IGDCC3: variants seen among roughly 807,000 people sequenced by gnomAD.
IGDCC3 encodes the protein putative neuronal cell adhesion molecule.
A neutral mutation model predicts 72.0 loss-of-function variants in IGDCC3; 47 were observed. The ratio of observed to expected loss-of-function variants is 0.65; its 90% CI spans 0.52 to 0.83. The LOEUF (loss-of-function observed/expected upper bound fraction) is 0.83. Ranked by LOEUF, IGDCC3 falls within the 40% of genes least tolerant of loss-of-function variation. The probability of loss-of-function intolerance (pLI) is 0.00; values close to 1 mark genes in which losing one functional copy is unlikely to be tolerated. For missense variants in IGDCC3, 1,038 were observed against 1,091.3 expected (o/e 0.95, Z 0.69); for synonymous variants, 477 against 472.8 (o/e 1.01, Z -0.11).
chr15:65,367,081 C>T lies in IGDCC3; in HGVS notation c.409+8016G>A, dbSNP rs1038889381. Among the ~76,000 whole-genome samples the T allele has an allele frequency of 4.3e-4, 65 of 152,074 alleles. 1 individual carries two copies. The highest frequency in any genetic ancestry group is 2.9e-3 in the Admixed American group (45 of 15,264). On this transcript the variant is annotated intron_variant, in intron 2 of 13. Coordinates refer to ENST00000327987, the MANE Select transcript of IGDCC3 (RefSeq NM_004884.4). ...GGCCCAGGCCGGGTGCGGTGGCTCA[C>T]GCCTGTAATCCCAGCACTTTGGGAG...
chr15:65,342,216 G>A (rs1009894079), intron 2 of IGDCC3, among the ~76,000 whole-genome samples: 3 of 151,696 alleles, frequency 2.0e-5, no homozygotes, highest in East Asian at 2.0e-4. Context: ...GAGAAACCTC[G>A]TCTCTATTGA....
chr15:65,347,480 C>A (rs1375425577), intron 2 of IGDCC3, among the ~76,000 whole-genome samples: 1 of 152,190 alleles, frequency 6.6e-6, no homozygotes, highest in Non-Finnish European at 1.5e-5. Context: ...CTCCATCTGT[C>A]AGTGGCCTGT....
At chr15:65,355,796 C>A (rs1421073116) in intron 2 of IGDCC3, 1 of 453,358 alleles carries the variant, frequency 2.2e-6, no homozygotes, top group African/African-American at 2.0e-5. Context: ...CAGCCATTGT[C>A]CTCGCACGCC....
intron 2 of IGDCC3, chr15:65,355,744 G>C (rs2091215134): frequency 1.8e-5 from 8 of 452,568 alleles, no homozygotes; most frequent in Non-Finnish European, 3.1e-5. Flanking sequence ...GCGGGTGAAT[G>C]AGAGAATCCG....
Position 65,333,431 on chromosome 15 carries a change from A to AG in IGDCC3, c.824-17dup, listed in dbSNP as rs768911893. 2 of 1,579,284 alleles carry AG rather than the reference A, an allele frequency of 1.3e-6. No individual in the cohort carries two copies. Among genetic ancestry groups the AG allele is most frequent in the Admixed American group, 3.6e-5 (2 of 55,994 alleles). On this transcript the variant is annotated splice_polypyrimidine_tract_variant and intron_variant, in intron 5 of 13. Coordinates refer to ENST00000327987, the MANE Select transcript of IGDCC3 (RefSeq NM_004884.4). ...GGGCGACCATCTGCAGAGGAAGGGG[A>AG]GGGGGGATGGGTGAGGGTCAGATAG...
intron 2 of IGDCC3, among the ~76,000 whole-genome samples, chr15:65,371,273 G>C (rs955159386): frequency 6.6e-6 from 1 of 152,236 alleles, no homozygotes. Flanking sequence ...CAATAGCCCT[G>C]ACAGATGGAT....
Position 65,335,394 on chromosome 15 carries a change from C to A in IGDCC3, c.582G>T (p.Leu194=). ...ERYTLLPKGV[L]QITGLRAEDG... ...CCTCAGCTCGAAGTCCTGTGATCTG[C>A]AGGACCCCCTTGGGCAGCAATGTGT... The change falls in exon 4 of 14, where the codon CTG becomes CTT. Residue 194 remains leucine (L), a synonymous_variant. Transcript: ENST00000327987. 1 of 1,613,354 alleles carries A rather than the reference C, an allele frequency of 6.2e-7. No individual in the cohort carries two copies. Among genetic ancestry groups the A allele is most frequent in the East Asian group, 2.2e-5 (1 of 44,876 alleles).
chr15:65,373,795 G>A (rs1403807481), intron 2 of IGDCC3: 5 of 152,640 alleles, frequency 3.3e-5, no homozygotes, highest in African/African-American at 4.8e-5. Context: ...AGTAATTCAT[G>A]TAAAGCACTT....
At position 65,339,145 on chromosome 15, in the gene IGDCC3, G is replaced by A. The variant is rs2091057061; in HGVS notation, c.410-3189C>T. On this transcript the variant is annotated intron_variant, in intron 2 of 13. Coordinates refer to ENST00000327987, the MANE Select transcript of IGDCC3 (RefSeq NM_004884.4). The surrounding 1 kb of genome is among the most constrained non-coding windows in gnomAD (Gnocchi z 4.1). ...CACCCAGGCTGGAGTGCAATGGCATGATCTCAGCTCACCGCAAGCTCCGCC... is the reference window on the plus strand; with the variant it reads ...CACCCAGGCTGGAGTGCAATGGCATAATCTCAGCTCACCGCAAGCTCCGCC... 6.6e-6 allele frequency among the ~76,000 whole-genome samples: 1 copy of A among 152,156 alleles called. No homozygotes were observed. The highest frequency in any genetic ancestry group is 6.5e-5 in the Admixed American group (1 of 15,288).
At chr15:65,335,999 C>T (rs1164131337) in intron 2 of IGDCC3, 43 bp from the exon 3 acceptor site, 4 of 1,607,334 alleles carry the variant, frequency 2.5e-6, no homozygotes, top group African/African-American at 1.3e-5. Context: ...CTGCTGAGGG[C>T]AGAAGGTAGG....
chr15:65,352,409 A>G (rs2091180552), intron 2 of IGDCC3, among the ~76,000 whole-genome samples: 1 of 152,198 alleles, frequency 6.6e-6, no homozygotes, highest in Non-Finnish European at 1.5e-5. Context: ...CAAGGCTTTG[A>G]CTGGAATGAT....
At position 65,329,053 on chromosome 15, in the gene IGDCC3, C is replaced by T. The variant is rs150667824; in HGVS notation, c.2301G>A (p.Ala767=). 16 of 1,611,856 alleles carry T rather than the reference C, an allele frequency of 9.9e-6. No individual in the cohort carries two copies. Among genetic ancestry groups the T allele is most frequent in the South Asian group, 5.5e-5 (5 of 90,840 alleles). Residue 767 remains alanine, a synonymous_variant, in exon 14 of 14, where the codon GCG becomes GCA. Coordinates refer to ENST00000327987, the MANE Select transcript of IGDCC3 (RefSeq NM_004884.4). This position sits in a 1 kb window ranked among gnomAD's most constrained non-coding sequence, Gnocchi z 4.1. ...CGLMEGKTTE[A]KTTEATAPCA... ...AGGGAGCCGTGGCCTCTGTGGTCTT[C>T]GCCTCCGTCGTCTTCCCCTCCATCA...
In IGDCC3 at chr15:65,375,174, T is replaced by A; in HGVS notation, c.332A>T (p.Asp111Val). Residue 111 changes from aspartate to valine, a missense_variant, in exon 2 of 14, where the codon GAT (aspartate) becomes GTT (valine). Coordinates refer to ENST00000327987, the MANE Select transcript of IGDCC3 (RefSeq NM_004884.4). ...FRLEPGGSPS[D>V]EGDYECVAQN... ...GGCCACACACTCATAGTCACCTTCATCCGAAGGGCTGCCTCCCGGCTCCAG... is the reference window on the plus strand; with the variant it reads ...GGCCACACACTCATAGTCACCTTCAACCGAAGGGCTGCCTCCCGGCTCCAG... The A allele has an allele frequency of 1.9e-6, 3 of 1,614,138 alleles. No homozygotes were observed. The highest frequency in any genetic ancestry group is 2.5e-6 in the Non-Finnish European group (3 of 1,180,018).
chr15:65,349,507 G>A (rs1223786402), intron 2 of IGDCC3, among the ~76,000 whole-genome samples: 1 of 152,212 alleles, frequency 6.6e-6, no homozygotes, highest in African/African-American at 2.4e-5. Context: ...GTCTTAAGCT[G>A]GTGTATTTTG....
chr15:65,344,514 G>A (rs1444779646), intron 2 of IGDCC3, among the ~76,000 whole-genome samples: 1 of 152,208 alleles, frequency 6.6e-6, no homozygotes, highest in Non-Finnish European at 1.5e-5. Context: ...ACAAACAGGG[G>A]CCTGGATGGG....
intron 2 of IGDCC3, among the ~76,000 whole-genome samples, chr15:65,343,011 C>A (rs1267066325): frequency 6.6e-6 from 1 of 152,060 alleles, no homozygotes; most frequent in Non-Finnish European, 1.5e-5. Context: ...ATCTCAGCAC[C>A]ACCATTATGG....
Position 65,328,738 on chromosome 15 carries a change from G to A in IGDCC3, c.*171C>T, listed in dbSNP as rs1012647689. 4.4e-5 allele frequency: 31 copies of A among 711,214 alleles called. 1 individual carries two copies. The highest frequency in any genetic ancestry group is 3.0e-4 in the African/African-American group (16 of 54,034). The allele number at this position is 711,214 out of a possible 1,614,324, so 44.1% of individuals were successfully genotyped here. On this transcript the variant is annotated 3_prime_UTR_variant, in exon 14 of 14. Coordinates refer to ENST00000327987, the MANE Select transcript of IGDCC3 (RefSeq NM_004884.4). ...CCAACTCCTGATGGGTGTTAGGGCC[G>A]GGGGGTCCCTGTCAAGGCTGCCTTG...
At chr15:65,361,195 G>A (rs1288537643) in intron 2 of IGDCC3, among the ~76,000 whole-genome samples, 1 of 152,060 alleles carries the variant, frequency 6.6e-6, no homozygotes, top group Admixed American at 6.5e-5. Flanking sequence ...TTGTTTGGCC[G>A]AGTCGGGGGA....
chr15:65,345,556 A>ACG (rs199833627), intron 2 of IGDCC3, among the ~76,000 whole-genome samples: 49 of 149,512 alleles, frequency 3.3e-4, no homozygotes, highest in African/African-American at 1.2e-3. Context: ...CCTGTCTCAC[A>ACG]CGCACACACA....
Sources: allele counts gnomAD v4.1 joint callset (sites outside exome capture counted in the v4.1 genomes callset), GRCh38; gene constraint gnomAD v4.1.1; non-coding constraint Gnocchi (gnomAD v3.1); transcripts MANE v1.5; gene names NCBI Gene and HGNC (gene_info 2026-07-23, HGNC 2026-07-21).